The following CCDC169 variants were observed in gnomAD, a reference collection of about 807,000 sequenced individuals.
CCDC169 encodes the protein coiled-coil domain containing 169, also known as coiled-coil domain-containing protein 169.
Under a neutral mutation model 36.0 loss-of-function variants are expected in CCDC169, and 30 were observed. The observed-to-expected ratio is 0.83, with a 90% CI of 0.62 to 1.13. CCDC169 has a LOEUF of 1.13. Ranked by LOEUF, CCDC169 falls within the 50% of genes most tolerant of loss-of-function variation. The pLI is 0.00. For missense variants in CCDC169, 245 were observed against 245.9 expected (o/e 1.00, Z 0.03); for synonymous variants, 85 against 81.5 (o/e 1.04, Z -0.23).
chr13:36,260,127 A>C (rs1874437712), intron 4 of CCDC169, among the ~76,000 whole-genome samples: 1 of 152,282 alleles, frequency 6.6e-6, no homozygotes, highest in Non-Finnish European at 1.5e-5. Context: ...ACTGTTGAGA[A>C]GATTGCAGCT....
downstream of CCDC169, chr13:36,226,878 C>A: frequency 2.8e-6 from 1 of 361,052 alleles, no homozygotes; most frequent in East Asian, 4.0e-5. Context: ...ATTATTTGTG[C>A]CCCAAATCTC....
downstream of CCDC169, chr13:36,223,598 A>T (rs1276630303): frequency 6.6e-6 from 1 of 152,124 alleles, no homozygotes; most frequent in Admixed American, 6.5e-5. Flanking sequence ...CTTTTTCATA[A>T]TTCAATTATA....
chr13:36,267,659 G>A (rs1036778866), intron 4 of CCDC169, among the ~76,000 whole-genome samples: 1 of 151,976 alleles, frequency 6.6e-6, no homozygotes, highest in Non-Finnish European at 1.5e-5. Context: ...AAAAAATACA[G>A]AATGAATTTA....
At chr13:36,250,320 C>T (rs7139624) in intron 6 of CCDC169, among the ~76,000 whole-genome samples, 2 of 152,136 alleles carry the variant, frequency 1.3e-5, no homozygotes, top group Non-Finnish European at 2.9e-5. Context: ...GCTGCAGAGA[C>T]AGGAACAGCC....
intron 4 of CCDC169, among the ~76,000 whole-genome samples, chr13:36,256,022 GC>G (rs5802815): frequency 0.21 from 31,398 of 152,106 alleles, 3,780 homozygotes; most frequent in East Asian, 0.38. Context: ...TCCTGTCTTG[GC>G]CTGCTCCAGC....
intron 7 of CCDC169, among the ~76,000 whole-genome samples, chr13:36,238,912 GA>G (rs1331111030): frequency 6.6e-6 from 1 of 152,052 alleles, no homozygotes; most frequent in Non-Finnish European, 1.5e-5. Context: ...AACAGAAGAG[GA>G]AAAAGAACAT....
chr13:36,273,695 T>A (rs1376609516), intron 4 of CCDC169, among the ~76,000 whole-genome samples: 13 of 152,240 alleles, frequency 8.5e-5, no homozygotes, highest in Non-Finnish European at 1.5e-4. Flanking sequence ...CCCACCCTGG[T>A]ATTTGAGTTA....
chr13:36,295,452 TAA>T (rs1211838320), intron 2 of CCDC169, among the ~76,000 whole-genome samples: 1 of 152,168 alleles, frequency 6.6e-6, no homozygotes, highest in African/African-American at 2.4e-5. Context: ...AGTTAAGATA[TAA>T]AGAGTGTAAC....
chr13:36,263,136 G>T (rs2138522459), intron 4 of CCDC169, among the ~76,000 whole-genome samples: 1 of 152,182 alleles, frequency 6.6e-6, no homozygotes, highest in South Asian at 2.1e-4. Context: ...GGAATTTCAA[G>T]GCTATAGTAT....
chr13:36,248,853 C>G (rs1157808004), intron 6 of CCDC169, among the ~76,000 whole-genome samples, 171 bp from the exon 7 acceptor site: 4 of 151,904 alleles, frequency 2.6e-5, no homozygotes, highest in Admixed American at 2.0e-4. Context: ...TATCAAGCCT[C>G]TAAAGATTCT....
intron 6 of CCDC169, among the ~76,000 whole-genome samples, chr13:36,250,369 C>T (rs1470494251): frequency 6.6e-6 from 1 of 152,146 alleles, no homozygotes; most frequent in Non-Finnish European, 1.5e-5. Context: ...ACCAAAAGAG[C>T]TTTGCTGTGA....
At chr13:36,260,829 C>G (rs1049068387) in intron 4 of CCDC169, among the ~76,000 whole-genome samples, 2 of 152,118 alleles carry the variant, frequency 1.3e-5, no homozygotes, top group African/African-American at 2.4e-5. Flanking sequence ...TTTCTGAATG[C>G]TACTTTTCAT....
At chr13:36,268,308 C>T (rs1875595740) in intron 4 of CCDC169, among the ~76,000 whole-genome samples, 2 of 152,158 alleles carry the variant, frequency 1.3e-5, no homozygotes, top group African/African-American at 4.8e-5. Flanking sequence ...TAGAAATCAA[C>T]TCCAAAAGGA....
At chr13:36,235,338 CT>C (rs1352996325) in intron 7 of CCDC169, among the ~76,000 whole-genome samples, 1 of 151,916 alleles carries the variant, frequency 6.6e-6, no homozygotes, top group Non-Finnish European at 1.5e-5. Context: ...GCAAATATTA[CT>C]CTTATTTTCT....
At chr13:36,231,426 G>T in intron 7 of CCDC169, 134 bp from the exon 8 acceptor site, 1 of 809,090 alleles carries the variant, frequency 1.2e-6, no homozygotes, top group Non-Finnish European at 1.9e-6. Context: ...ACCTTCCTGT[G>T]AATAGTTTCT....
chr13:36,265,401 A>G (rs9547024), intron 4 of CCDC169, among the ~76,000 whole-genome samples: 51,689 of 152,166 alleles, frequency 0.34, 9,522 homozygotes, highest in Non-Finnish European at 0.42. Context: ...CTCCAAATCA[A>G]TGGCTGCACA....
chr13:36,253,510 T>C (rs1317134675), intron 6 of CCDC169, among the ~76,000 whole-genome samples: 1 of 152,080 alleles, frequency 6.6e-6, no homozygotes, highest in Non-Finnish European at 1.5e-5. Flanking sequence ...CTAATTTTTG[T>C]ATTTCTAGTA....
chr13:36,255,659 T>TAAAAA (rs3083965), intron 4 of CCDC169, among the ~76,000 whole-genome samples: 24,969 of 123,904 alleles, frequency 0.2, 2,963 homozygotes, highest in East Asian at 0.37. Flanking sequence ...CAAGGCTCCA[T>TAAAAA]AAAAAAAAAA....
chr13:36,236,041 T>G (rs889503578), intron 7 of CCDC169, among the ~76,000 whole-genome samples: 1 of 152,006 alleles, frequency 6.6e-6, no homozygotes, highest in African/African-American at 2.4e-5. Context: ...GTTCTTGGAT[T>G]AGAAGACTTA....
Sources: gnomAD v4.1 joint callset for allele counts (sites outside exome capture counted in the v4.1 genomes callset) on GRCh38, gnomAD v4.1.1 for gene constraint, MANE v1.5 for transcripts, NCBI Gene and HGNC (gene_info 2026-07-23, HGNC 2026-07-21) for gene names.